Variants in MFSD12 observed in about 807,000 individuals in gnomAD.
MFSD12 encodes the protein major facilitator superfamily domain-containing protein 12.
Under a neutral mutation model 51.2 loss-of-function variants are expected in MFSD12, and 67 were observed. The ratio of observed to expected loss-of-function variants is 1.31; its 90% CI spans 1.08 to 1.60. The LOEUF (loss-of-function observed/expected upper bound fraction) is 1.60. Among genes scored for constraint, MFSD12 ranks in the 40% most tolerant of loss-of-function variants. MFSD12 has a pLI of 0.00. For synonymous variants in MFSD12, 441 were observed against 316.7 expected (o/e 1.39, Z -4.17); for missense variants, 921 against 673.0 (o/e 1.37, Z -4.08).
chr19:3,550,799 G>C (rs1307688944), intron 2 of MFSD12, among the ~76,000 whole-genome samples, 185 bp downstream of exon 2: 3 of 152,068 alleles, frequency 2.0e-5, no homozygotes, highest in African/African-American at 7.2e-5. Flanking sequence ...GCTGCAGTCA[G>C]CCGAGATCAC....
At chr19:3,546,575 C>T (rs546271869) in intron 6 of MFSD12, 150 bp from the exon 7 acceptor site, 26 of 924,418 alleles carry the variant, frequency 2.8e-5, no homozygotes, top group East Asian at 2.1e-4. Flanking sequence ...GACACAACAC[C>T]GAGGCTCTGC....
chr19:3,544,755 G>A (rs747384601), intron 9 of MFSD12, 23 bp from the exon 10 acceptor site: 1 of 1,497,846 alleles, frequency 6.7e-7, no homozygotes, highest in East Asian at 2.6e-5. Flanking sequence ...GGTGGAAATG[G>A]CATTAGAGAG....
At chr19:3,539,193 CA>C (rs2030143060) in intron 4 of MFSD12, 1 of 1,550,384 alleles carries the variant, frequency 6.5e-7, no homozygotes, top group South Asian at 1.2e-5. Flanking sequence ...AACCCTCAGG[CA>C]AGAGGCTGCA....
downstream of MFSD12, chr19:3,543,741 G>A: frequency 6.7e-7 from 1 of 1,494,344 alleles, no homozygotes; most frequent in Non-Finnish European, 9.0e-7. Flanking sequence ...CCTAGGCCAG[G>A]GTGAAACTGC....
At chr19:3,546,205 C>A (rs373054272) in intron 7 of MFSD12, 37 bp from the exon 8 acceptor site, 4 of 1,608,856 alleles carry the variant, frequency 2.5e-6, no homozygotes, top group South Asian at 2.2e-5. Context: ...GCGTGCACCC[C>A]GAGATCTAGG....
chr19:3,549,023 G>A (rs890414865), intron 2 of MFSD12, among the ~76,000 whole-genome samples: 4 of 152,180 alleles, frequency 2.6e-5, no homozygotes, highest in Non-Finnish European at 4.4e-5. Flanking sequence ...GCACCAGCTG[G>A]GGCCGAGTCC....
At chr19:3,547,717 A>T (rs1417656304) in intron 4 of MFSD12, 131 bp downstream of exon 4, 1 of 1,214,368 alleles carries the variant, frequency 8.2e-7, no homozygotes, top group African/African-American at 1.5e-5. Context: ...TTGATGAGTG[A>T]CGTTTGCCCT....
At chr19:3,548,666 C>G (rs1316475812) in intron 2 of MFSD12, among the ~76,000 whole-genome samples, 1 of 150,804 alleles carries the variant, frequency 6.6e-6, no homozygotes, top group Admixed American at 6.6e-5. Flanking sequence ...CTGCCCACAG[C>G]CCGGCCAGGC....
At chr19:3,541,718 T>A (rs1161672511), downstream of MFSD12, 17 of 985,266 alleles carry the variant, frequency 1.7e-5, no homozygotes, top group Non-Finnish European at 2.0e-5. Context: ...CACCTGCTCC[T>A]GGGAGGAAAC....
chr19:3,538,706 T>C (rs1378962222), exon 5 of MFSD12: 1 of 474,266 alleles, frequency 2.1e-6, no homozygotes, highest in Non-Finnish European at 4.4e-6. Context: ...GTTCTCCGCC[T>C]CGGGCTGTCA....
At chr19:3,540,341 T>TC (rs2030273469), downstream of MFSD12, among the ~76,000 whole-genome samples, 1 of 151,482 alleles carries the variant, frequency 6.6e-6, no homozygotes, top group Non-Finnish European at 1.5e-5. Flanking sequence ...CACTGCAACC[T>TC]CCAACTCCCT....
chr19:3,547,793 G>A, intron 4 of MFSD12, 55 bp downstream of exon 4: 1 of 1,449,784 alleles, frequency 6.9e-7, no homozygotes, highest in East Asian at 2.5e-5. Flanking sequence ...ACAGAGCAAA[G>A]GCCCTGTGGG....
chr19:3,544,875 C>T lies in MFSD12; in HGVS notation c.1354G>A (p.Gly452Ser), dbSNP rs199582568. The T allele has an allele frequency of 4.1e-4, 661 of 1,611,466 alleles. 3 individuals carry two copies. Among genetic ancestry groups the T allele is most frequent in the South Asian group, 9.0e-4 (82 of 91,030 alleles). The change falls in exon 9 of 10, where the codon GGC becomes AGC. Residue 452 changes from glycine (G) to serine (S), a missense_variant. Transcript: ENST00000355415. ...YHWAMVAVTG[G>S]VGVAAALCLC... ...CACAGGGCAGCGGCCACGCCCACGC[C>T]GCCCGTCACAGCCACCATCGCCCAG... is the stretch of plus-strand genomic sequence containing the variant.
chr19:3,542,186 G>T (rs767473963), downstream of MFSD12: 19 of 985,272 alleles, frequency 1.9e-5, no homozygotes, highest in Non-Finnish European at 2.2e-5. Flanking sequence ...AGGTTCTCCT[G>T]ATCTTGAAAT....
downstream of MFSD12, chr19:3,539,237 C>T (rs1375742953): frequency 1.8e-5 from 28 of 1,550,300 alleles, no homozygotes; most frequent in Non-Finnish European, 2.4e-5. Context: ...CCCTCGAGGC[C>T]AGCTTCCCAG....
rs1391569719 is a variant in MFSD12 at position 3,551,204 on chromosome 19, G to A, written c.299-10C>T. ...AGGACGCAGACGGTGCCTGTGGAAG[G>A]CAGAGTGGTCAGTCGCGGGGCTGTC... On this transcript the variant is annotated splice_polypyrimidine_tract_variant and intron_variant, in intron 1 of 9. Transcript: ENST00000355415. The surrounding 1 kb of genome is among the most constrained non-coding windows in gnomAD (Gnocchi z 4.6). The A allele has an allele frequency of 1.9e-6, 3 of 1,592,658 alleles. No individual in the cohort carries two copies. Among genetic ancestry groups the A allele is most frequent in the South Asian group, 1.1e-5 (1 of 89,058 alleles).
Position 3,544,273 on chromosome 19 carries a change from G to A in MFSD12, c.*437C>T. The A allele has an allele frequency of 1.5e-6, 2 of 1,304,090 alleles. No individual in the cohort carries two copies. Among genetic ancestry groups the A allele is most frequent in the Non-Finnish European group, 1.9e-6 (2 of 1,027,722 alleles). 80.8% of individuals were successfully genotyped at this position (1,304,090 alleles called of 1,614,324 possible). A position where few individuals can be genotyped will look rare whatever the true frequency, so the allele number is the denominator to read the frequency against. ...GCAGCCCTGCTGCCCACCACGGTGG[G>A]GTCCAGGCCCAGCCCACCACCCCGT... On this transcript the variant is annotated 3_prime_UTR_variant, in exon 10 of 10. Coordinates refer to ENST00000355415, the MANE Select transcript of MFSD12 (RefSeq NM_174983.5).
chr19:3,555,352 G>T (rs535746642), intron 1 of MFSD12, among the ~76,000 whole-genome samples: 1 of 152,278 alleles, frequency 6.6e-6, no homozygotes, highest in East Asian at 1.9e-4. Flanking sequence ...AGGTGAGGAG[G>T]CCTCCCAAAG....
chr19:3,544,734 T>C lies in MFSD12; in HGVS notation c.1421-2A>G. ...GTCAGGGCCGGGCATCACGGTCCCC[T>C]GCAAGGGAGGGGTGGAAATGGCATT... On this transcript the variant is annotated splice_acceptor_variant, in intron 9 of 9. Coordinates refer to ENST00000355415, the MANE Select transcript of MFSD12 (RefSeq NM_174983.5). LOFTEE classifies it high-confidence loss of function. The C allele has an allele frequency of 6.3e-7, 1 of 1,574,918 alleles. No homozygotes were observed. The highest frequency in any genetic ancestry group is 8.6e-7 in the Non-Finnish European group (1 of 1,160,092).
Sources: allele counts gnomAD v4.1 joint callset (sites outside exome capture counted in the v4.1 genomes callset), GRCh38; gene constraint gnomAD v4.1.1; non-coding constraint Gnocchi (gnomAD v3.1); transcripts MANE v1.5; gene names NCBI Gene and HGNC (gene_info 2026-07-23, HGNC 2026-07-21).